PALM2AKAP2: variants seen among roughly 807,000 people sequenced by gnomAD.
PALM2AKAP2 encodes the protein PALM2-AKAP2 fusion protein.
A neutral mutation model predicts 71.5 loss-of-function variants in PALM2AKAP2; 37 were observed. That is an observed-to-expected ratio of 0.52 (90% confidence interval 0.40 to 0.68). PALM2AKAP2 has a LOEUF of 0.68. PALM2AKAP2 is among the 30% of genes least tolerant of loss of function. The pLI is 0.00. For missense variants in PALM2AKAP2, 1,224 were observed against 1,191.8 expected (o/e 1.03, Z -0.40); for synonymous variants, 468 against 478.8 (o/e 0.98, Z 0.29).
At chr9:109,763,039 C>A (rs573880090) in intron 1 of PALM2AKAP2, among the ~76,000 whole-genome samples, 1 of 152,252 alleles carries the variant, frequency 6.6e-6, no homozygotes, top group African/African-American at 2.4e-5. Context: ...CAGAGGGCAG[C>A]ACTTTCAGGG....
At chr9:109,706,529 A>G (rs1380430922) in intron 1 of PALM2AKAP2, among the ~76,000 whole-genome samples, 1 of 152,224 alleles carries the variant, frequency 6.6e-6, no homozygotes, top group African/African-American at 2.4e-5. Context: ...TAGAGTTACA[A>G]TATGAGCTGG....
Position 110,016,659 on chromosome 9 carries a change from T to A in PALM2AKAP2, c.582+620T>A, listed in dbSNP as rs1203695138. Among the ~76,000 whole-genome samples, 3 of 152,302 alleles carry A rather than the reference T, an allele frequency of 2.0e-5. No homozygotes were observed. In the East Asian group the frequency reaches 5.8e-4, roughly 29 times the overall value. ...CAGAATAAAGAATCTGTAGCAAAAG[T>A]TATCAGAGGTGCCACCATTTCCCCT... On this transcript the variant is annotated intron_variant, in intron 7 of 9. Transcript: ENST00000302798.
chr9:109,888,947 A>T (rs949202655), intron 3 of PALM2AKAP2, among the ~76,000 whole-genome samples: 6 of 152,152 alleles, frequency 3.9e-5, no homozygotes, highest in Non-Finnish European at 8.8e-5. Context: ...GTCTCCAGAC[A>T]TTGCTGAATG....
chr9:109,740,206 G>C (rs1425612510), intron 1 of PALM2AKAP2, among the ~76,000 whole-genome samples: 1 of 152,200 alleles, frequency 6.6e-6, no homozygotes, highest in Non-Finnish European at 1.5e-5. Context: ...GCCAGGTACT[G>C]TTCTAGCTGC....
chr9:109,899,076 G>C (rs751002201), intron 3 of PALM2AKAP2, among the ~76,000 whole-genome samples: 5 of 152,082 alleles, frequency 3.3e-5, no homozygotes, highest in Non-Finnish European at 5.9e-5. Flanking sequence ...CTGAAATATA[G>C]GCATTCTTTG....
At chr9:110,065,891 C>G (rs1834068947) in intron 1 of PALM2AKAP2, among the ~76,000 whole-genome samples, 2 of 152,170 alleles carry the variant, frequency 1.3e-5, no homozygotes, top group South Asian at 4.1e-4. Context: ...AATTTCCTTC[C>G]TTTAAAAAAA....
intron 1 of PALM2AKAP2, among the ~76,000 whole-genome samples, chr9:110,085,635 C>A (rs1202468631): frequency 1.3e-5 from 2 of 152,194 alleles, no homozygotes; most frequent in Admixed American, 6.5e-5. Context: ...TGTAAGTCTT[C>A]AGTGCACAAA....
chr9:110,165,284 T>TCACACACACA (rs58758256), intron 3 of PALM2AKAP2, among the ~76,000 whole-genome samples: 30 of 142,266 alleles, frequency 2.1e-4, no homozygotes, highest in African/African-American at 6.8e-4. Context: ...TGCTAGAGAT[T>TCACACACACA]CACACACACA....
chr9:110,014,803 AATG>A lies in PALM2AKAP2; in HGVS notation c.497-1150_497-1148del, dbSNP rs1832947314. ...TCAAAAAAAAAAAAAAAAAAAAAAA[AATG>A]TATATATATATATATATATATATAT... On this transcript the variant is annotated intron_variant, in intron 6 of 9. Coordinates refer to the PALM2AKAP2 transcript ENST00000302798. Among the ~76,000 whole-genome samples, 141 of 15,962 alleles carry A rather than the reference AATG, an allele frequency of 8.8e-3. 4 individuals are homozygous for A. The highest frequency in any genetic ancestry group is 0.013 in the Non-Finnish European group (91 of 7,266). 10.5% of individuals were successfully genotyped at this position (15,962 alleles called of 152,430 possible).
At chr9:109,866,642 C>T (rs1179944321) in intron 1 of PALM2AKAP2, among the ~76,000 whole-genome samples, 1 of 152,168 alleles carries the variant, frequency 6.6e-6, no homozygotes, top group Non-Finnish European at 1.5e-5. Context: ...AGACTAACAG[C>T]AAATAACATT....
intron 6 of PALM2AKAP2, among the ~76,000 whole-genome samples, chr9:109,984,876 GA>G (rs1832343154): frequency 6.6e-6 from 1 of 151,358 alleles, no homozygotes; most frequent in African/African-American, 2.4e-5. Context: ...CTGTCTCTTA[GA>G]AAAAAATTTT....
At chr9:110,031,078 T>C (rs1833269470) in intron 7 of PALM2AKAP2, among the ~76,000 whole-genome samples, 2 of 152,208 alleles carry the variant, frequency 1.3e-5, no homozygotes, top group African/African-American at 2.4e-5. Flanking sequence ...ATTGGATTTG[T>C]CATCATATTT....
chr9:110,021,402 T>C (rs955730871), intron 7 of PALM2AKAP2, among the ~76,000 whole-genome samples: 2 of 152,078 alleles, frequency 1.3e-5, no homozygotes, highest in African/African-American at 4.8e-5. Flanking sequence ...TGTGAGAAAA[T>C]AAATTTCCGT....
chr9:110,048,675 G>T (rs1434746995), upstream of PALM2AKAP2: 11 of 1,508,920 alleles, frequency 7.3e-6, no homozygotes, highest in African/African-American at 4.3e-5. Context: ...CCTCCAGCGC[G>T]CCCGGAGGCT....
At chr9:110,143,013 G>A (rs1836071627) in intron 2 of PALM2AKAP2, among the ~76,000 whole-genome samples, 2 of 152,162 alleles carry the variant, frequency 1.3e-5, no homozygotes, top group South Asian at 4.1e-4. Context: ...CTGCTTATGA[G>A]CACTTCCGAA....
chr9:109,688,358 G>A (rs1220295460), intron 1 of PALM2AKAP2, among the ~76,000 whole-genome samples: 1 of 152,192 alleles, frequency 6.6e-6, no homozygotes, highest in Non-Finnish European at 1.5e-5. Context: ...AACCCATACT[G>A]GTCTGTGAAC....
chr9:109,819,904 G>T (rs1827952131), intron 1 of PALM2AKAP2, among the ~76,000 whole-genome samples: 1 of 152,138 alleles, frequency 6.6e-6, no homozygotes, highest in Non-Finnish European at 1.5e-5. Flanking sequence ...TGAGCACAAA[G>T]AAACAAGGAC....
intron 1 of PALM2AKAP2, among the ~76,000 whole-genome samples, chr9:109,642,813 G>A (rs1827089654): frequency 6.6e-6 from 1 of 150,998 alleles, no homozygotes; most frequent in South Asian, 2.1e-4. Context: ...CGGTCTTGCT[G>A]GGATTATAGG....
chr9:109,851,333 G>A (rs1404081974), intron 1 of PALM2AKAP2, among the ~76,000 whole-genome samples: 1 of 152,102 alleles, frequency 6.6e-6, no homozygotes, highest in East Asian at 1.9e-4. Context: ...GATCTTAATG[G>A]TCTTCCAGGG....
Sources: allele counts gnomAD v4.1 joint callset (sites outside exome capture counted in the v4.1 genomes callset), GRCh38; gene constraint gnomAD v4.1.1; transcripts MANE v1.5; gene names NCBI Gene and HGNC (gene_info 2026-07-23, HGNC 2026-07-21).